Variants in ANKS6 observed in about 807,000 individuals in gnomAD.
ANKS6 encodes ankyrin repeat and SAM domain-containing protein 6.
ANKS6 carries 47 observed loss-of-function variants against 77.9 expected under a neutral mutation model. That is an observed-to-expected ratio of 0.60 (90% CI 0.48 to 0.77). The LOEUF is 0.77. Ranked by LOEUF, ANKS6 falls within the 30% of genes least tolerant of loss-of-function variation. The pLI is 0.00. For synonymous variants in ANKS6, 488 were observed against 501.7 expected (o/e 0.97, Z 0.37); for missense variants, 1,150 against 1,159.1 (o/e 0.99, Z 0.11).
In ANKS6 at chr9:98,733,224, TCTC is replaced by T. The variant is rs1313706030; in HGVS notation, c.*3292_*3294del. 1.0e-6 allele frequency: 1 copy of T among 985,156 alleles called. No individual in the cohort carries two copies. Among genetic ancestry groups the T allele is most frequent in the Non-Finnish European group, 1.2e-6 (1 of 829,946 alleles). The allele number at this position is 985,156 out of a possible 1,614,324, so 61.0% of individuals were successfully genotyped here. ...AACAAAAGAATTAAAAAATAAACAA[TCTC>T]CTCACAAAACCAGCTGGCCTCCATG... On this transcript the variant is annotated 3_prime_UTR_variant, in exon 15 of 15. Transcript: ENST00000353234.
intron 1 of ANKS6, 45 bp from the exon 2 acceptor site, chr9:98,790,651 C>CG (rs753735910): frequency 6.4e-7 from 1 of 1,566,760 alleles, no homozygotes; most frequent in East Asian, 2.3e-5. Flanking sequence ...ACACAGCACT[C>CG]GGGGGCCAGC....
At chr9:98,784,265 G>A (rs1310977067) in intron 3 of ANKS6, 108 bp from the exon 4 acceptor site, 8 of 1,053,156 alleles carry the variant, frequency 7.6e-6, no homozygotes, top group Non-Finnish European at 1.1e-5. Context: ...TGCCTCTGCA[G>A]TGGGCTGCTG....
In ANKS6 at chr9:98,790,435, G is replaced by T. The variant is rs745610971; in HGVS notation, c.531C>A (p.Gly177=). Residue 177 remains glycine, a synonymous_variant, in exon 2 of 15, where the codon GGC becomes GGA. Coordinates refer to ENST00000353234, the MANE Select transcript of ANKS6 (RefSeq NM_173551.5). ...GAFVDHHHPS[G]EQLGLGGSRD... ...TGCTGCCGCCCAACCCCAGTTGCTCGCCTGAAGGGTGGTGATGGTCCACAA... is the reference window on the plus strand; with the variant it reads ...TGCTGCCGCCCAACCCCAGTTGCTCTCCTGAAGGGTGGTGATGGTCCACAA... 14 of 1,613,722 alleles carry T rather than the reference G, an allele frequency of 8.7e-6. No homozygotes were observed. The highest frequency in any genetic ancestry group is 1.1e-5 in the Non-Finnish European group (13 of 1,179,984).
intron 14 of ANKS6, among the ~76,000 whole-genome samples, chr9:98,743,143 T>C (rs1194361608): frequency 1.3e-5 from 2 of 152,166 alleles, no homozygotes; most frequent in African/African-American, 2.4e-5. Flanking sequence ...CCAGAACCTT[T>C]TCCGTCCTTC....
chr9:98,762,544 A>G (rs1396702236), intron 11 of ANKS6, among the ~76,000 whole-genome samples: 1 of 152,012 alleles, frequency 6.6e-6, no homozygotes, highest in Non-Finnish European at 1.5e-5. Context: ...AATCCTGGCT[A>G]TATGTGTTTT....
intron 13 of ANKS6, 93 bp downstream of exon 13, chr9:98,750,936 C>A: frequency 1.0e-6 from 1 of 967,832 alleles, no homozygotes. Context: ...TGCAAGAGAT[C>A]AATCTAGGCT....
intron 9 of ANKS6, 146 bp downstream of exon 9, chr9:98,773,731 T>C (rs1833761799): frequency 5.0e-6 from 3 of 597,130 alleles, no homozygotes; most frequent in Admixed American, 4.1e-5. Flanking sequence ...TAGGGCTTCA[T>C]TAGACAAAAG....
chr9:98,776,653 C>T (rs942906209), intron 8 of ANKS6, among the ~76,000 whole-genome samples: 7 of 152,084 alleles, frequency 4.6e-5, no homozygotes, highest in Admixed American at 1.3e-4. Flanking sequence ...CACCTGCCTC[C>T]GCCTCCCAAA....
At chr9:98,769,578 C>T (rs979174877) in intron 10 of ANKS6, among the ~76,000 whole-genome samples, 2 of 152,186 alleles carry the variant, frequency 1.3e-5, no homozygotes, top group African/African-American at 4.8e-5. Context: ...AAGGTGCTCA[C>T]AATCTAGCAA....
rs1346539146 is a variant in ANKS6 at position 98,732,488 on chromosome 9, G to A, written c.*4031C>T. ...TTCTGTGGGCTCCGATGCCAGCAGA[G>A]CCACCTGAGCGGCTGCTACCTCTTG... is the stretch of plus-strand genomic sequence containing the variant. On this transcript the variant is annotated 3_prime_UTR_variant, in exon 15 of 15. Coordinates refer to ENST00000353234, the MANE Select transcript of ANKS6 (RefSeq NM_173551.5). The A allele has an allele frequency of 6.4e-7, 1 of 1,550,450 alleles. No homozygotes were observed. The highest frequency in any genetic ancestry group is 2.0e-5 in the Admixed American group (1 of 51,004).
intron 9 of ANKS6, among the ~76,000 whole-genome samples, chr9:98,773,160 C>T (rs532585642): frequency 7.9e-5 from 12 of 152,290 alleles, no homozygotes; most frequent in African/African-American, 2.4e-4. Context: ...CATCTCCAGG[C>T]GCCAGGCTCT....
chr9:98,771,233 C>G (rs1468242745), intron 9 of ANKS6, among the ~76,000 whole-genome samples, 187 bp from the exon 10 acceptor site: 1 of 152,206 alleles, frequency 6.6e-6, no homozygotes. Context: ...TATGTGCTGA[C>G]AACTTGCCCA....
chr9:98,758,302 C>A (rs1832823303), intron 11 of ANKS6, among the ~76,000 whole-genome samples: 1 of 149,318 alleles, frequency 6.7e-6, no homozygotes, highest in Non-Finnish European at 1.5e-5. Context: ...GCTCCTGTAC[C>A]CTTTTGACAT....
intron 10 of ANKS6, among the ~76,000 whole-genome samples, chr9:98,769,681 G>C (rs1337439695): frequency 6.6e-6 from 1 of 152,160 alleles, no homozygotes; most frequent in Non-Finnish European, 1.5e-5. Context: ...AGACTGCCTG[G>C]GTTTGGATCC....
intron 14 of ANKS6, among the ~76,000 whole-genome samples, chr9:98,742,672 C>G (rs1282776425): frequency 6.6e-6 from 1 of 152,098 alleles, no homozygotes; most frequent in African/African-American, 2.4e-5. Flanking sequence ...TGGGGGGACA[C>G]AGGTGGGATT....
intron 14 of ANKS6, among the ~76,000 whole-genome samples, chr9:98,737,973 A>C (rs905054019): frequency 6.6e-6 from 1 of 152,236 alleles, no homozygotes; most frequent in Non-Finnish European, 1.5e-5. Context: ...AAACAAAAAC[A>C]TAAAGTGGGG....
chr9:98,774,031 G>T lies in ANKS6; in HGVS notation c.1667C>A (p.Ala556Glu). The part of the protein sequence containing the change: ...LTRLPSDKLK[A>E]VIPPFLPPSS... ...AGGGGGTAGGAATGGGGGGATGACT[G>T]CTTTCAGCTTGTCACTCGGGAGTCT... is the stretch of plus-strand genomic sequence containing the variant. Residue 556 changes from alanine to glutamate, a missense_variant, in exon 9 of 15, where the codon GCA becomes GAA. Ala to Glu is a moderately radical substitution (Grantham distance 107). Coordinates refer to ENST00000353234, the MANE Select transcript of ANKS6 (RefSeq NM_173551.5). The T allele has an allele frequency of 6.4e-7, 1 of 1,561,702 alleles. No individual in the cohort carries two copies.
intron 14 of ANKS6, among the ~76,000 whole-genome samples, chr9:98,742,787 TC>T (rs1431035003): frequency 8.4e-6 from 1 of 119,180 alleles, no homozygotes; most frequent in Non-Finnish European, 1.6e-5. Flanking sequence ...CCCTTCTGCT[TC>T]ACCTGATGGG....
rs750994652 is a variant in ANKS6, at chr9:98,784,825, C to T, written c.907+7G>A. 5.6e-6 allele frequency: 9 copies of T among 1,612,044 alleles called. No individual in the cohort carries two copies. Among genetic ancestry groups the T allele is most frequent in the Admixed American group, 3.3e-5 (2 of 59,790 alleles). ...AAATATCCAAAAAGATTTTCTAAAGCGCTTACCCATTTTCAATGCATGGAA... is the reference window on the plus strand; with the variant it reads ...AAATATCCAAAAAGATTTTCTAAAGTGCTTACCCATTTTCAATGCATGGAA... On this transcript the variant is annotated splice_region_variant and intron_variant, in intron 3 of 14. Transcript: ENST00000353234.
Sources: gnomAD v4.1 joint callset for allele counts (sites outside exome capture counted in the v4.1 genomes callset) on GRCh38, gnomAD v4.1.1 for gene constraint, MANE v1.5 for transcripts, NCBI Gene and HGNC (gene_info 2026-07-23, HGNC 2026-07-21) for gene names.